AKR1C2: variants seen among roughly 807,000 people sequenced by gnomAD.
AKR1C2 encodes the protein aldo-keto reductase family 1 member C2.
Under a neutral mutation model 39.8 loss-of-function variants are expected in AKR1C2, and 27 were observed. The observed-to-expected ratio is 0.68, with a 90% confidence interval of 0.50 to 0.93. The LOEUF is 0.93. AKR1C2 is among the 40% of genes least tolerant of loss of function. AKR1C2 has a pLI of 0.00. For synonymous variants in AKR1C2, 114 were observed against 137.9 expected, an observed-to-expected ratio of 0.83 and a Z score of 1.22; for missense variants, 263 against 365.1, an observed-to-expected ratio of 0.72 and a Z score of 2.28.
intron 1 of AKR1C2, among the ~76,000 whole-genome samples, chr10:5,002,655 T>C (rs1167724330): frequency 2.0e-5 from 3 of 152,220 alleles, no homozygotes; most frequent in Non-Finnish European, 4.4e-5. Context: ...GATTTGACAG[T>C]ATATCTTTTA....
intron 1 of AKR1C2, among the ~76,000 whole-genome samples, chr10:5,017,174 G>T (rs140205257): frequency 6.6e-6 from 1 of 152,110 alleles, no homozygotes; most frequent in Non-Finnish European, 1.5e-5. Flanking sequence ...TTAACATTTG[G>T]CTCTTCTTTA....
At chr10:5,008,038 G>A (rs1260307860), upstream of AKR1C2, among the ~76,000 whole-genome samples, 1 of 151,612 alleles carries the variant, frequency 6.6e-6, no homozygotes, top group Non-Finnish European at 1.5e-5. Flanking sequence ...CTGTGGCTTT[G>A]CAGGGTGCAG....
rs200698968 is a variant in AKR1C2 at position 4,991,824 on chromosome 10, T to A, written c.929+7A>T. The A allele has an allele frequency of 2.2e-6, 1 of 456,504 alleles. No individual in the cohort carries two copies. The highest frequency in any genetic ancestry group is 3.1e-5 in the African/African-American group (1 of 32,106). The allele number at this position is 456,504 out of a possible 1,614,324, so 28.3% of individuals were successfully genotyped here. ...AAATTAGGACAACCATCTCCAAAAT[T>A]ACTTACATATCAAGGGTCAAATATC... On this transcript the variant is annotated splice_region_variant and intron_variant, in intron 8 of 8. Transcript: ENST00000380753.
chr10:4,993,034 A>G (rs1836896235), intron 7 of AKR1C2, among the ~76,000 whole-genome samples: 1 of 152,248 alleles, frequency 6.6e-6, no homozygotes, highest in Non-Finnish European at 1.5e-5. Context: ...GTAGTGGGAT[A>G]TTCATATTAT....
intron 1 of AKR1C2, among the ~76,000 whole-genome samples, chr10:5,009,623 C>A (rs572339631): frequency 1.3e-3 from 193 of 151,942 alleles, no homozygotes; most frequent in African/African-American, 4.4e-3. Flanking sequence ...AAGGCCCCCA[C>A]CTTTAAGCCT....
rs782213893 is a variant in AKR1C2, at chr10:5,003,840, G to T, written c.-5C>A. 1.2e-6 allele frequency: 2 copies of T among 1,614,074 alleles called. No homozygotes were observed. The highest frequency in any genetic ancestry group is 1.7e-6 in the Non-Finnish European group (2 of 1,179,964). On this transcript the variant is annotated 5_prime_UTR_variant, in exon 1 of 9. Transcript: ENST00000380753. ...ACACTGGTATTTCGAATCCATTTCT[G>T]TCACTGGCCTGGTTAGCAAATGTTT... is the stretch of plus-strand genomic sequence containing the variant.
intron 5 of AKR1C2, among the ~76,000 whole-genome samples, chr10:4,996,708 G>A (rs186090261): frequency 3.3e-5 from 5 of 151,880 alleles, no homozygotes; most frequent in Admixed American, 2.0e-4. Context: ...CAGTAATTAC[G>A]TTCACAGTAC....
At chr10:4,997,184 C>A (rs1336629826) in intron 5 of AKR1C2, 1 of 152,232 alleles carries the variant, frequency 6.6e-6, no homozygotes, top group Non-Finnish European at 1.5e-5. Context: ...CATTTTCTTG[C>A]CCCAAAGTTT....
At chr10:5,002,360 C>T (rs1837299666) in intron 1 of AKR1C2, among the ~76,000 whole-genome samples, 1 of 152,176 alleles carries the variant, frequency 6.6e-6, no homozygotes, top group Admixed American at 6.5e-5. Context: ...TTCTCAGATG[C>T]CAGCAGGTTT....
At chr10:4,990,098 G>C in intron 8 of AKR1C2, 60 bp from the exon 9 acceptor site, 1 of 1,604,334 alleles carries the variant, frequency 6.2e-7, no homozygotes, top group South Asian at 1.1e-5. Context: ...CTAGCCCGTA[G>C]CGCAGTGATT....
rs1588300381 is a variant in AKR1C2 at position 4,995,798 on chromosome 10, A to G, written c.638T>C (p.Leu213Pro). Residue 213 changes from leucine (L) to proline (P), a missense_variant, in exon 6 of 9, where the codon CTG becomes CCG. Physicochemically the swap from Leu to Pro is moderately conservative, Grantham distance 98 (BLOSUM62 -3). Around this residue, in one of 3 missense-constraint regions of AKR1C2, gnomAD observed 247 missense variants for 267.9 expected, o/e 0.92. Transcript: ENST00000380753. ...LDFCKSKDIV[L>P]VAYSALGSHR... ...GGATCCCAGAGCACTATAGGCAACC[A>G]GAACAATGTCTTTTGACTTGCAGAA... The G allele has an allele frequency of 1.2e-6, 2 of 1,612,662 alleles. No homozygotes were observed. The highest frequency in any genetic ancestry group is 1.3e-5 in the African/African-American group (1 of 74,830).
At chr10:5,010,944 C>T (rs1161119132) in intron 1 of AKR1C2, among the ~76,000 whole-genome samples, 1 of 151,316 alleles carries the variant, frequency 6.6e-6, no homozygotes, top group Non-Finnish European at 1.5e-5. Context: ...CTAAGTAGGT[C>T]TCAGCAAGGA....
chr10:5,011,161 A>C (rs1837515177), intron 1 of AKR1C2, among the ~76,000 whole-genome samples: 1 of 152,184 alleles, frequency 6.6e-6, no homozygotes, highest in Non-Finnish European at 1.5e-5. Flanking sequence ...CAACAACAAC[A>C]ATAACAAGAA....
At chr10:4,995,528 A>G in intron 6 of AKR1C2, 44 bp from the exon 7 acceptor site, 1 of 1,558,356 alleles carries the variant, frequency 6.4e-7, no homozygotes, top group Non-Finnish European at 8.6e-7. Context: ...GGCTGGCGAT[A>G]GTTTGTTAGG....
At chr10:4,994,115 G>T (rs1360098830) in intron 7 of AKR1C2, among the ~76,000 whole-genome samples, 1 of 151,204 alleles carries the variant, frequency 6.6e-6, no homozygotes, top group Admixed American at 6.6e-5. Context: ...CATGATATAT[G>T]TCATATATAT....
In AKR1C2 at chr10:4,991,930, A is replaced by T. The variant is rs1163335558; in HGVS notation, c.847-17T>A. On this transcript the variant is annotated splice_polypyrimidine_tract_variant and intron_variant, in intron 7 of 8. Transcript: ENST00000380753. ...TTCAAACACCTATCAAAGTAATAGA[A>T]AACTTTAATTATTTTTAGATTACAT... 2.1e-6 allele frequency: 1 copy of T among 487,356 alleles called. No homozygotes were observed. Among genetic ancestry groups the T allele is most frequent in the South Asian group, 2.4e-5 (1 of 41,646 alleles). 30.2% of individuals were successfully genotyped at this position (487,356 alleles called of 1,614,324 possible).
At chr10:4,999,933 G>C (rs1215062986) in intron 3 of AKR1C2, 1 of 982,964 alleles carries the variant, frequency 1.0e-6, no homozygotes, top group Non-Finnish European at 1.2e-6. Context: ...CCCTGGCTTT[G>C]ATTTCCCATT....
intron 7 of AKR1C2, among the ~76,000 whole-genome samples, chr10:4,994,627 AG>A (rs1245349509): frequency 3.3e-5 from 5 of 151,842 alleles, no homozygotes; most frequent in African/African-American, 1.2e-4. Context: ...TGCATGGGAG[AG>A]GGGGGCACTC....
chr10:4,991,377 A>G (rs1309675801), intron 8 of AKR1C2, among the ~76,000 whole-genome samples: 1 of 152,106 alleles, frequency 6.6e-6, no homozygotes, highest in Non-Finnish European at 1.5e-5. Flanking sequence ...TCCATGTGAA[A>G]GAGGTGGGAA....
Sources: gnomAD v4.1 joint callset for allele counts (sites outside exome capture counted in the v4.1 genomes callset) on GRCh38, gnomAD v4.1.1 for gene constraint, gnomAD v4.1.1 regional missense constraint, MANE v1.5 for transcripts, NCBI Gene and HGNC (gene_info 2026-07-23, HGNC 2026-07-21) for gene names.